TEC: variants seen among roughly 807,000 people sequenced by gnomAD.
TEC encodes tec protein tyrosine kinase, also known as tyrosine-protein kinase Tec.
Under a neutral mutation model 93.0 loss-of-function variants are expected in TEC, and 72 were observed. That is an observed-to-expected ratio of 0.77 (90% confidence interval 0.64 to 0.94). The LOEUF (loss-of-function observed/expected upper bound fraction) is 0.94. TEC is among the 40% of genes least tolerant of loss of function. TEC has a pLI of 0.00. For synonymous variants in TEC, 249 were observed against 247.7 expected (o/e 1.01, Z -0.05); for missense variants, 630 against 757.9 (o/e 0.83, Z 1.98).
chr4:48,180,234 C>T (rs1046155552), intron 2 of TEC, among the ~76,000 whole-genome samples: 1 of 152,138 alleles, frequency 6.6e-6, no homozygotes, highest in Admixed American at 6.5e-5. Flanking sequence ...TGACTTTCTC[C>T]AAATATCTTG....
At chr4:48,170,180 T>G in intron 5 of TEC, 68 bp downstream of exon 5, 1 of 1,338,480 alleles carries the variant, frequency 7.5e-7, no homozygotes, top group Non-Finnish European at 1.0e-6. Flanking sequence ...ACCATGTCAC[T>G]TTCTTACCAT....
chr4:48,240,050 A>T (rs1723885186), intron 1 of TEC, among the ~76,000 whole-genome samples: 1 of 151,958 alleles, frequency 6.6e-6, no homozygotes, highest in Admixed American at 6.6e-5. Flanking sequence ...TCTTTTAAAG[A>T]TATATACTGA....
intron 1 of TEC, among the ~76,000 whole-genome samples, chr4:48,245,075 AC>A (rs1427070666): frequency 6.6e-6 from 1 of 152,306 alleles, no homozygotes. Flanking sequence ...CGGGAGTATC[AC>A]GAGGTGAGGA....
In TEC at chr4:48,269,780, C is replaced by T. The variant is rs1402682410; in HGVS notation, c.-74G>A. ...GCTGAAGCGCGGCTGCTGGGCGGAC[C>T]TGGGGAGACTGCGAGGTGCAGTCTG... On this transcript the variant is annotated 5_prime_UTR_variant, in exon 1 of 18. Transcript: ENST00000381501. 6.6e-6 allele frequency: 1 copy of T among 152,164 alleles called. No individual in the cohort carries two copies. The highest frequency in any genetic ancestry group is 1.5e-5 in the Non-Finnish European group (1 of 68,010). 9.4% of individuals were successfully genotyped at this position (152,164 alleles called of 1,614,324 possible).
At chr4:48,256,853 G>C (rs1356740754) in intron 1 of TEC, among the ~76,000 whole-genome samples, 2 of 152,144 alleles carry the variant, frequency 1.3e-5, no homozygotes, top group Non-Finnish European at 2.9e-5. Flanking sequence ...GAGTGTCTAG[G>C]AGTCCCCGGT....
At chr4:48,222,502 A>G (rs556778480) in intron 2 of TEC, among the ~76,000 whole-genome samples, 18 of 152,068 alleles carry the variant, frequency 1.2e-4, no homozygotes, top group Non-Finnish European at 1.9e-4. Flanking sequence ...TGAATGGGCC[A>G]TGGGGTACCC....
At chr4:48,213,585 C>T (rs1348585680) in intron 2 of TEC, among the ~76,000 whole-genome samples, 1 of 152,172 alleles carries the variant, frequency 6.6e-6, no homozygotes, top group Non-Finnish European at 1.5e-5. Flanking sequence ...ATATAATTTT[C>T]TACACGTACC....
intron 2 of TEC, among the ~76,000 whole-genome samples, chr4:48,192,962 C>T (rs1722143014): frequency 6.6e-6 from 1 of 152,184 alleles, no homozygotes; most frequent in Admixed American, 6.5e-5. Context: ...CCCTCTCCAG[C>T]ACCTGCAGCA....
intron 2 of TEC, among the ~76,000 whole-genome samples, chr4:48,205,269 C>G (rs537830480): frequency 6.6e-6 from 1 of 152,182 alleles, no homozygotes; most frequent in African/African-American, 2.4e-5. Flanking sequence ...CTCAGTGAGG[C>G]TCACTTCACC....
At chr4:48,147,276 C>A (rs1364542035) in intron 11 of TEC, among the ~76,000 whole-genome samples, 2 of 151,986 alleles carry the variant, frequency 1.3e-5, no homozygotes, top group Non-Finnish European at 2.9e-5. Context: ...AGGTAAATAC[C>A]CAAAAGAAAT....
chr4:48,151,872 T>G (rs1156407396), intron 9 of TEC, among the ~76,000 whole-genome samples: 1 of 152,206 alleles, frequency 6.6e-6, no homozygotes, highest in Non-Finnish European at 1.5e-5. Context: ...GCTAAAGCAC[T>G]AAAGGTCAAA....
Position 48,176,088 on chromosome 4 carries a change from T to A in TEC, c.237A>T (p.Pro79=). The A allele has an allele frequency of 6.2e-7, 1 of 1,613,108 alleles. No homozygotes were observed. Among genetic ancestry groups the A allele is most frequent in the African/African-American group, 1.3e-5 (1 of 75,020 alleles). Residue 79 remains proline (P), a synonymous_variant, in exon 3 of 18, where the codon CCA becomes CCT. Transcript: ENST00000381501. ...CAAAAATACACCAGCTCACCTGAAA[T>A]GGATACTTATTTTGACAGGGAATGA... The part of the protein sequence containing the change: ...DGVIPCQNKY[P]FQVVHDANTL...
At chr4:48,175,120 A>G (rs1721272207) in intron 3 of TEC, among the ~76,000 whole-genome samples, 1 of 152,210 alleles carries the variant, frequency 6.6e-6, no homozygotes. Context: ...GAACAGGGAA[A>G]AGGAAAATTA....
intron 11 of TEC, among the ~76,000 whole-genome samples, chr4:48,147,470 G>C (rs934443358): frequency 6.6e-6 from 1 of 152,140 alleles, no homozygotes; most frequent in African/African-American, 2.4e-5. Flanking sequence ...GTCCATCACA[G>C]CAATAAACAT....
chr4:48,255,499 A>G (rs1255471744), intron 1 of TEC, among the ~76,000 whole-genome samples: 1 of 152,204 alleles, frequency 6.6e-6, no homozygotes, highest in African/African-American at 2.4e-5. Context: ...GTAGCTGCCC[A>G]AAGGAAGAAA....
chr4:48,179,370 ATATATATTTTTTTT>A lies in TEC; in HGVS notation c.139-3198_139-3185del, dbSNP rs1477247548. ...TATATATATATATATATATATATATATATATATTTTTTTTTTTTTTTTTTTTTTTTCAAGACAGA... is the reference window on the plus strand; with the variant it reads ...TATATATATATATATATATATATATATTTTTTTTTTTTTTTTCAAGACAGA... On this transcript the variant is annotated intron_variant, in intron 2 of 17. Transcript: ENST00000381501. Among the ~76,000 whole-genome samples the A allele has an allele frequency of 3.6e-4, 12 of 33,714 alleles. No individual in the cohort carries two copies. In the East Asian group the frequency reaches 0.011, roughly 30 times the overall value. 22.1% of individuals were successfully genotyped at this position (33,714 alleles called of 152,430 possible). A position where few individuals can be genotyped will look rare whatever the true frequency, so the allele number is the denominator to read the frequency against.
At chr4:48,198,963 T>G (rs540709448) in intron 2 of TEC, among the ~76,000 whole-genome samples, 38 of 152,102 alleles carry the variant, frequency 2.5e-4, no homozygotes, top group African/African-American at 8.9e-4. Context: ...TAGAAATGTT[T>G]TCATTCTTAA....
Position 48,154,774 on chromosome 4 carries a change from G to T in TEC, c.792+1906C>A, listed in dbSNP as rs1309424108. ...ATTAAAAAAATCAAATGAATAAAAT[G>T]GAAATTTATGGGGTTAAAACAAGGG... On this transcript the variant is annotated intron_variant, in intron 9 of 17. Transcript: ENST00000381501. 5.3e-5 allele frequency among the ~76,000 whole-genome samples: 8 copies of T among 152,194 alleles called. No individual in the cohort carries two copies. The South Asian group carries it at 1.7e-3, about 32-fold the overall frequency.
At chr4:48,257,859 T>C (rs1292354736) in intron 1 of TEC, among the ~76,000 whole-genome samples, 2 of 152,214 alleles carry the variant, frequency 1.3e-5, no homozygotes, top group Admixed American at 6.5e-5. Context: ...TTCTATACCA[T>C]TGATAAATAT....
Sources: gnomAD v4.1 joint callset for allele counts (sites outside exome capture counted in the v4.1 genomes callset) on GRCh38, gnomAD v4.1.1 for gene constraint, MANE v1.5 for transcripts, NCBI Gene and HGNC (gene_info 2026-07-23, HGNC 2026-07-21) for gene names.